The following CALN1 variants were observed in gnomAD, a reference collection of about 807,000 sequenced individuals.
CALN1 encodes the protein calcium-binding protein 8.
CALN1 carries 17 observed loss-of-function variants against 30.6 expected under a neutral mutation model. The ratio of observed to expected loss-of-function variants is 0.56; its 90% CI spans 0.38 to 0.83. The LOEUF is 0.83. CALN1 is among the 40% of genes least tolerant of loss of function. The pLI, the probability that CALN1 is intolerant of heterozygous loss-of-function variation, is 0.00. For missense variants in CALN1, 291 were observed against 354.9 expected (o/e 0.82, Z 1.45); for synonymous variants, 156 against 131.4 (o/e 1.19, Z -1.28).
intron 6 of CALN1, among the ~76,000 whole-genome samples, chr7:71,796,566 G>A (rs900038233): frequency 6.6e-6 from 1 of 151,778 alleles, no homozygotes; most frequent in African/African-American, 2.4e-5. Context: ...CACTACGTTG[G>A]CCAGGCTGAT....
chr7:72,194,237 G>A (rs180723314), intron 3 of CALN1, among the ~76,000 whole-genome samples: 22 of 152,290 alleles, frequency 1.4e-4, no homozygotes, highest in African/African-American at 5.0e-4. Context: ...CATTAACCAA[G>A]GCTAAAACTC....
chr7:72,403,259 G>T lies in CALN1; in HGVS notation c.111C>A (p.Phe37Leu), dbSNP rs1328122015. 1 of 1,549,250 alleles carries T rather than the reference G, an allele frequency of 6.5e-7. No homozygotes were observed. Among genetic ancestry groups the T allele is most frequent in the South Asian group, 1.2e-5 (1 of 84,036 alleles). ...GGGGGAAGAAGACTTGCCAGGTGGG[G>T]AAGTCGGGGGCCTGGCTCCTCGGCG... ...EEPPRSQAPD[F>L]PTWEKMPFHH... The change falls in exon 2 of 7, where the codon TTC (phenylalanine) becomes TTA (leucine). Residue 37 changes from phenylalanine (F) to leucine (L), a missense_variant. By Grantham distance (22) the Phe-to-Leu change is conservative. Transcript: ENST00000395275.
intron 3 of CALN1, among the ~76,000 whole-genome samples, chr7:72,224,081 G>A (rs35869644): frequency 6.6e-5 from 10 of 151,950 alleles, no homozygotes; most frequent in East Asian, 1.9e-4. Flanking sequence ...AGGATCAATC[G>A]TACCCCAATA....
At chr7:71,930,204 G>A (rs905489781) in intron 5 of CALN1, among the ~76,000 whole-genome samples, 2 of 152,174 alleles carry the variant, frequency 1.3e-5, no homozygotes, top group Non-Finnish European at 2.9e-5. Context: ...CACAGATGCA[G>A]AACCCACGGA....
chr7:72,196,748 C>T (rs75433503), intron 3 of CALN1, among the ~76,000 whole-genome samples: 4 of 152,204 alleles, frequency 2.6e-5, no homozygotes, highest in African/African-American at 9.6e-5. Context: ...ATGTGCTTGC[C>T]ACTATATCAA....
intron 3 of CALN1, among the ~76,000 whole-genome samples, chr7:72,243,548 G>A (rs1289306557): frequency 1.3e-5 from 2 of 152,120 alleles, no homozygotes; most frequent in African/African-American, 2.4e-5. Flanking sequence ...AAGAGAAACA[G>A]CCCCAGGCAC....
chr7:71,903,019 A>T (rs969523049), intron 5 of CALN1, among the ~76,000 whole-genome samples: 4 of 151,966 alleles, frequency 2.6e-5, no homozygotes, highest in South Asian at 2.1e-4. Flanking sequence ...TTACTTAAAA[A>T]TTTTTTAAGT....
intron 3 of CALN1, among the ~76,000 whole-genome samples, chr7:72,163,481 T>C (rs1474610397): frequency 1.1e-4 from 16 of 149,694 alleles, no homozygotes; most frequent in Admixed American, 1.1e-3. Flanking sequence ...GATATTGAAA[T>C]TGGCAGATAA....
chr7:71,806,720 A>AC (rs149827306), intron 6 of CALN1, among the ~76,000 whole-genome samples: 30,173 of 148,368 alleles, frequency 0.2, 3,133 homozygotes, highest in Middle Eastern at 0.26. Context: ...GGTCTGAAGG[A>AC]CCCCCCCCCA....
At chr7:72,375,568 G>GAAA (rs34885674) in intron 2 of CALN1, among the ~76,000 whole-genome samples, 5 of 136,486 alleles carry the variant, frequency 3.7e-5, no homozygotes, top group East Asian at 2.1e-4. Flanking sequence ...CTGCCTCCAG[G>GAAA]AAAAAAAAAA....
chr7:72,386,275 G>A (rs952582236), intron 2 of CALN1, among the ~76,000 whole-genome samples: 3 of 152,120 alleles, frequency 2.0e-5, no homozygotes, highest in Non-Finnish European at 2.9e-5. Flanking sequence ...TGGAATCCCA[G>A]GATGGAATAC....
intron 2 of CALN1, among the ~76,000 whole-genome samples, chr7:72,366,626 TG>T (rs1803893680): frequency 6.6e-6 from 1 of 152,132 alleles, no homozygotes. Flanking sequence ...TTTTTAGCCC[TG>T]GCCCCCTTCC....
chr7:71,900,434 T>C (rs1013900466), intron 5 of CALN1, among the ~76,000 whole-genome samples: 1 of 152,248 alleles, frequency 6.6e-6, no homozygotes, highest in Non-Finnish European at 1.5e-5. Context: ...AAAAGACTCC[T>C]AGATTTGATA....
Position 71,782,153 on chromosome 7 carries a change from A to G in CALN1, c.*5622T>C, listed in dbSNP as rs1284842794. The G allele has an allele frequency of 6.6e-6, 1 of 152,148 alleles. No individual in the cohort carries two copies. The highest frequency in any genetic ancestry group is 1.5e-5 in the Non-Finnish European group (1 of 68,054). The allele number at this position is 152,148 out of a possible 1,614,324, so 9.4% of individuals were successfully genotyped here. The stretch of plus-strand genomic sequence containing the variant: ...AGAGGCTGGATATTTGTTCCCCCCA[A>G]ATTTCATGTTGATCTCCAGTGCTGG... On this transcript the variant is annotated 3_prime_UTR_variant, in exon 7 of 7. Coordinates refer to ENST00000395275, the MANE Select transcript of CALN1 (RefSeq NM_031468.4).
intron 2 of CALN1, among the ~76,000 whole-genome samples, chr7:72,354,124 T>C (rs1217153826): frequency 1.3e-5 from 2 of 151,908 alleles, no homozygotes; most frequent in Admixed American, 6.6e-5. Flanking sequence ...GAGGGGGAGG[T>C]TGCAGTGAAA....
intron 5 of CALN1, among the ~76,000 whole-genome samples, chr7:71,918,979 A>G (rs1794810514): frequency 6.6e-6 from 1 of 152,172 alleles, no homozygotes; most frequent in South Asian, 2.1e-4. Flanking sequence ...GAGACTTTGG[A>G]GAGCAAGGAG....
chr7:72,298,200 G>A (rs1212615700), intron 2 of CALN1, among the ~76,000 whole-genome samples: 1 of 152,190 alleles, frequency 6.6e-6, no homozygotes, highest in Non-Finnish European at 1.5e-5. Context: ...AGACCAGAAA[G>A]TGTAGATCAT....
chr7:72,031,454 C>G (rs1410489711), intron 4 of CALN1, among the ~76,000 whole-genome samples: 1 of 152,198 alleles, frequency 6.6e-6, no homozygotes, highest in Admixed American at 6.5e-5. Flanking sequence ...AATAGGTTCT[C>G]CCCTTCCACA....
At chr7:72,130,451 G>T (rs536701306) in intron 3 of CALN1, among the ~76,000 whole-genome samples, 1 of 152,308 alleles carries the variant, frequency 6.6e-6, no homozygotes, top group East Asian at 1.9e-4. Context: ...TGTTAGATGG[G>T]TCGGTGGTAT....
Sources: gnomAD v4.1 joint callset for allele counts (sites outside exome capture counted in the v4.1 genomes callset) on GRCh38, gnomAD v4.1.1 for gene constraint, MANE v1.5 for transcripts, NCBI Gene and HGNC (gene_info 2026-07-23, HGNC 2026-07-21) for gene names.